Variants in CCSER1 observed in about 807,000 individuals in gnomAD.
CCSER1 encodes the protein coiled-coil serine rich protein 1.
A neutral mutation model predicts 82.0 loss-of-function variants in CCSER1; 41 were observed. That is an observed-to-expected ratio of 0.50 (90% CI 0.39 to 0.65). The LOEUF (loss-of-function observed/expected upper bound fraction) is 0.65, where lower values mean the gene tolerates loss of function less well. Among genes scored for constraint, CCSER1 ranks in the 30% least tolerant of loss-of-function variants. The pLI, the probability that CCSER1 is intolerant of heterozygous loss-of-function variation, is 0.00. For missense variants in CCSER1, 1,119 were observed against 1,064.2 expected, an observed-to-expected ratio of 1.05 and a Z score of -0.72; for synonymous variants, 414 against 383.9, an observed-to-expected ratio of 1.08 and a Z score of -0.92.
At chr4:90,133,729 C>T (rs1019239817) in intron 1 of CCSER1, among the ~76,000 whole-genome samples, 1 of 152,080 alleles carries the variant, frequency 6.6e-6, no homozygotes, top group African/African-American at 2.4e-5. Flanking sequence ...ATCGGTTGCC[C>T]TGTTATATAT....
chr4:91,383,046 T>C (rs1751035000), intron 10 of CCSER1, among the ~76,000 whole-genome samples: 2 of 152,090 alleles, frequency 1.3e-5, no homozygotes, highest in South Asian at 4.1e-4. Context: ...GATATCTACA[T>C]TTTTAACATA....
intron 1 of CCSER1, among the ~76,000 whole-genome samples, chr4:90,287,828 T>C (rs1730184575): frequency 6.6e-6 from 1 of 151,872 alleles, no homozygotes; most frequent in Non-Finnish European, 1.5e-5. Flanking sequence ...ACTTTATGTA[T>C]TTATGTTTCA....
At chr4:90,891,595 A>G (rs1722977649) in intron 8 of CCSER1, among the ~76,000 whole-genome samples, 1 of 151,948 alleles carries the variant, frequency 6.6e-6, no homozygotes, top group South Asian at 2.1e-4. Flanking sequence ...AATATTTCTG[A>G]GGGTGAGGAC....
chr4:91,250,437 C>T (rs2149145148), intron 10 of CCSER1, among the ~76,000 whole-genome samples: 1 of 151,956 alleles, frequency 6.6e-6, no homozygotes, highest in Non-Finnish European at 1.5e-5. Flanking sequence ...TATGATTTTC[C>T]TAACATTTCC....
intron 9 of CCSER1, among the ~76,000 whole-genome samples, chr4:91,017,470 G>C (rs1247537007): frequency 2.0e-5 from 3 of 152,042 alleles, no homozygotes; most frequent in East Asian, 1.9e-4. Flanking sequence ...AGGTAAACTC[G>C]TGTAATGGGG....
chr4:91,019,791 A>G (rs187555269), intron 9 of CCSER1, among the ~76,000 whole-genome samples: 174 of 152,342 alleles, frequency 1.1e-3, no homozygotes, highest in African/African-American at 4.0e-3. Flanking sequence ...TCCTTAGAGC[A>G]CAATATATGC....
intron 7 of CCSER1, among the ~76,000 whole-genome samples, chr4:90,810,395 C>A (rs1395346216): frequency 6.6e-6 from 1 of 152,066 alleles, no homozygotes; most frequent in Non-Finnish European, 1.5e-5. Flanking sequence ...TGCCTGTAAT[C>A]CCAGCACTTT....
rs1392056817 is a variant in CCSER1 at position 91,604,579 on chromosome 4, A to T, written c.*5522A>T. 1 of 152,126 alleles carries T rather than the reference A, an allele frequency of 6.6e-6. No homozygotes were observed. Among genetic ancestry groups the T allele is most frequent in the East Asian group, 1.9e-4 (1 of 5,204 alleles). The allele number at this position is 152,126 out of a possible 1,614,324, so 9.4% of individuals were successfully genotyped here. ...AGTGTCTAACAAAAGGAAAGCATACAGTAAATGAAAAATAAACTAGTTATC... is the reference window on the plus strand; with the variant it reads ...AGTGTCTAACAAAAGGAAAGCATACTGTAAATGAAAAATAAACTAGTTATC... On this transcript the variant is annotated 3_prime_UTR_variant, in exon 11 of 11. Transcript: ENST00000509176.
chr4:90,402,545 G>A (rs1561171560), intron 4 of CCSER1, among the ~76,000 whole-genome samples: 1 of 152,248 alleles, frequency 6.6e-6, no homozygotes, highest in African/African-American at 2.4e-5. Context: ...AGCCGGGCAA[G>A]AGTTGCATGG....
intron 10 of CCSER1, among the ~76,000 whole-genome samples, chr4:91,222,910 G>T (rs1737865948): frequency 6.6e-6 from 1 of 151,970 alleles, no homozygotes; most frequent in Non-Finnish European, 1.5e-5. Context: ...GCCTTAGAGT[G>T]TACCTATGAA....
At chr4:91,134,359 C>T (rs1282369444) in intron 10 of CCSER1, among the ~76,000 whole-genome samples, 1 of 151,662 alleles carries the variant, frequency 6.6e-6, no homozygotes, top group African/African-American at 2.4e-5. Flanking sequence ...TCATGCCACT[C>T]ACACCACTGC....
At chr4:90,724,736 A>C (rs2149379426) in intron 7 of CCSER1, 2 of 324,598 alleles carry the variant, frequency 6.2e-6, no homozygotes, top group East Asian at 1.6e-4. Flanking sequence ...CACTGATTTC[A>C]GTATAGTTTG....
intron 10 of CCSER1, among the ~76,000 whole-genome samples, chr4:91,216,286 A>G (rs192619420): frequency 6.6e-4 from 101 of 152,294 alleles, no homozygotes; most frequent in Non-Finnish European, 1.3e-3. Context: ...TATGAGTAAC[A>G]TGATGCATTA....
intron 7 of CCSER1, among the ~76,000 whole-genome samples, chr4:90,732,027 T>TTC (rs76331329): frequency 0.067 from 8,837 of 131,114 alleles, 348 homozygotes; most frequent in Non-Finnish European, 0.082. Context: ...CTATTGGGAT[T>TTC]TCTCTCTCTC....
chr4:91,390,205 A>G (rs1391502180), intron 10 of CCSER1, among the ~76,000 whole-genome samples: 1 of 151,838 alleles, frequency 6.6e-6, no homozygotes, highest in Non-Finnish European at 1.5e-5. Context: ...AAGTTTTCCT[A>G]TTGCTTTTTT....
intron 3 of CCSER1, among the ~76,000 whole-genome samples, chr4:90,342,389 T>G (rs1741545108): frequency 6.6e-6 from 1 of 152,178 alleles, no homozygotes; most frequent in Non-Finnish European, 1.5e-5. Context: ...AGCTCACTGT[T>G]AAGTCTTCAG....
chr4:90,673,290 C>A (rs1222377954), intron 6 of CCSER1, among the ~76,000 whole-genome samples: 1 of 151,872 alleles, frequency 6.6e-6, no homozygotes, highest in Non-Finnish European at 1.5e-5. Context: ...TTATATATAT[C>A]TTAAGGTATG....
At chr4:90,510,641 G>T (rs918210947) in intron 5 of CCSER1, among the ~76,000 whole-genome samples, 16 of 152,218 alleles carry the variant, frequency 1.1e-4, no homozygotes, top group African/African-American at 3.9e-4. Context: ...ACAATGAGGA[G>T]AAGAAGATTT....
intron 6 of CCSER1, among the ~76,000 whole-genome samples, chr4:90,663,268 T>A (rs1731148685): frequency 6.6e-6 from 1 of 152,218 alleles, no homozygotes; most frequent in Admixed American, 6.5e-5. Context: ...TTAAAGTAGA[T>A]ATTAACATCT....
Sources: allele counts gnomAD v4.1 joint callset (sites outside exome capture counted in the v4.1 genomes callset), GRCh38; gene constraint gnomAD v4.1.1; transcripts MANE v1.5; gene names NCBI Gene and HGNC (gene_info 2026-07-23, HGNC 2026-07-21).